ZAN: variants seen among roughly 807,000 people sequenced by gnomAD.
ZAN encodes the protein zonadhesin (gene/pseudogene).
ZAN carries 260 observed loss-of-function variants against 286.2 expected under a neutral mutation model. The observed-to-expected ratio is 0.91, with a 90% CI of 0.82 to 1.01. ZAN has a LOEUF of 1.01. Ranked by LOEUF, ZAN falls within the 50% of genes least tolerant of loss-of-function variation. ZAN has a pLI of 0.00. For missense variants in ZAN, 3,410 were observed against 3,639.2 expected, an observed-to-expected ratio of 0.94 and a Z score of 1.62; for synonymous variants, 1,368 against 1,417.5, an observed-to-expected ratio of 0.97 and a Z score of 0.79.
intron 35 of ZAN, among the ~76,000 whole-genome samples, chr7:100,780,142 G>A (rs927056744): frequency 3.3e-5 from 5 of 151,250 alleles, no homozygotes; most frequent in Admixed American, 6.6e-5. Flanking sequence ...GTAGTGAGCC[G>A]AGATCGCGCC....
At chr7:100,778,595 G>A (rs1464330153) in intron 34 of ZAN, among the ~76,000 whole-genome samples, 2 of 151,918 alleles carry the variant, frequency 1.3e-5, no homozygotes, top group Non-Finnish European at 2.9e-5. Context: ...GCGACAGATT[G>A]GGAAGCAAAA....
chr7:100,764,089 G>A lies in ZAN; in HGVS notation c.4160G>A (p.Gly1387Glu), dbSNP rs768945587. Residue 1387 changes from glycine (G) to glutamate (E), a missense_variant, in exon 22 of 48, where the codon GGA (glycine) becomes GAA (glutamate). Gly to Glu is a moderately conservative substitution (Grantham distance 98). Coordinates refer to ENST00000613979, the MANE Select transcript of ZAN (RefSeq NM_003386.3). ...GACAGCTGCATGCTTGATATGTGCGGATTCCAGGGGCTGCAGCACCTGCTG... is the reference window on the plus strand; with the variant it reads ...GACAGCTGCATGCTTGATATGTGCGAATTCCAGGGGCTGCAGCACCTGCTG... ...FFDSCMLDMC[G>E]FQGLQHLLCT... 6.2e-7 allele frequency: 1 copy of A among 1,613,668 alleles called. No homozygotes were observed. Among genetic ancestry groups the A allele is most frequent in the Admixed American group, 1.7e-5 (1 of 59,968 alleles).
chr7:100,763,025 G>A lies in ZAN; in HGVS notation c.3986+667G>A, dbSNP rs1809705339. Among the ~76,000 whole-genome samples, 1 of 148,736 alleles carries A rather than the reference G, an allele frequency of 6.7e-6. No homozygotes were observed. Among genetic ancestry groups the A allele is most frequent in the African/African-American group, 2.5e-5 (1 of 40,224 alleles). ...CTTGCTGTGTCACCCAGGCTAGAGT[G>A]TAGTTGTGCAATCTCAGCTCACTGA... is the stretch of plus-strand genomic sequence containing the variant. On this transcript the variant is annotated intron_variant, in intron 20 of 47. Coordinates refer to ENST00000613979, the MANE Select transcript of ZAN (RefSeq NM_003386.3). This position sits in a 1 kb window ranked among gnomAD's most constrained non-coding sequence, Gnocchi z 4.6.
rs184742914 is a variant in ZAN, at chr7:100,765,422, A to T, written c.4338A>T (p.Gly1446=). 3.5e-5 allele frequency: 56 copies of T among 1,613,860 alleles called. No individual in the cohort carries two copies. In the East Asian group the frequency reaches 1.1e-3, roughly 33 times the overall value. Residue 1446 remains glycine (G), a synonymous_variant, in exon 23 of 48, where the codon GGA becomes GGT. Transcript: ENST00000613979. Reference sequence around the variant, plus strand: ...CATGCCCTGACACCTGCCATTCAGGATTCTCCGGCATGTTCTGCTCAGACC... The same window carrying T: ...CATGCCCTGACACCTGCCATTCAGGTTTCTCCGGCATGTTCTGCTCAGACC... ...AKPCPDTCHS[G]FSGMFCSDRC...
Position 100,763,758 on chromosome 7 carries a change from C to G in ZAN, c.3987-48C>G. The stretch of plus-strand genomic sequence containing the variant: ...TGCTGCCTGCTGGGTTAGGGATGAG[C>G]TGGAAGCGAGCTTTGTCTTTAGGGA... On this transcript the variant is annotated intron_variant, in intron 20 of 47. Coordinates refer to ENST00000613979, the MANE Select transcript of ZAN (RefSeq NM_003386.3). This position sits in a 1 kb window ranked among gnomAD's most constrained non-coding sequence, Gnocchi z 4.6. 1 of 1,576,882 alleles carries G rather than the reference C, an allele frequency of 6.3e-7. No homozygotes were observed. The highest frequency in any genetic ancestry group is 8.7e-7 in the Non-Finnish European group (1 of 1,152,168).
chr7:100,789,322 C>T lies in ZAN; in HGVS notation c.7332C>T (p.Val2444=). The part of the protein sequence containing the change: ...LYLVTDFELV[V]SFGGRKNAVI... The stretch of plus-strand genomic sequence containing the variant: ...TGGTCACCGACTTTGAGCTGGTCGT[C>T]AGCTTTGGTGGAAGGAAAAATGCAG... Residue 2444 remains valine (V), a synonymous_variant, in exon 39 of 48, where the codon GTC becomes GTT. Transcript: ENST00000613979. 6.2e-7 allele frequency: 1 copy of T among 1,613,722 alleles called. No homozygotes were observed. Among genetic ancestry groups the T allele is most frequent in the Non-Finnish European group, 8.5e-7 (1 of 1,179,804 alleles).
intron 22 of ZAN, 41 bp downstream of exon 22, chr7:100,764,237 GC>G: frequency 6.8e-7 from 1 of 1,470,570 alleles, no homozygotes; most frequent in Non-Finnish European, 9.0e-7. Context: ...GGGCACGGTG[GC>G]TCACACCTAT....
In ZAN at chr7:100,744,359, G is replaced by T. The variant is rs1005276011; in HGVS notation, c.767-2179G>T. 9.9e-5 allele frequency among the ~76,000 whole-genome samples: 15 copies of T among 151,070 alleles called. No homozygotes were observed. The Admixed American group carries it at 9.9e-4, about 10-fold the overall frequency. On this transcript the variant is annotated intron_variant, in intron 7 of 47. Coordinates refer to ENST00000613979, the MANE Select transcript of ZAN (RefSeq NM_003386.3). The stretch of plus-strand genomic sequence containing the variant: ...CATGCCTGTAATCCCAGCACTTTGG[G>T]AGGCGGAGGCAGGTGGATCACCAGA...
chr7:100,745,465 AT>A (rs796327106), intron 7 of ZAN, among the ~76,000 whole-genome samples: 4 of 151,626 alleles, frequency 2.6e-5, no homozygotes, highest in African/African-American at 9.7e-5. Flanking sequence ...GTCCACGCTG[AT>A]TGGCTGTCTG....
chr7:100,772,095 TTC>T, intron 29 of ZAN, 75 bp downstream of exon 29: 2 of 1,388,226 alleles, frequency 1.4e-6, no homozygotes. Context: ...TTCCTCTAAA[TTC>T]TTTTTTTTTT....
chr7:100,745,552 C>G (rs221834), intron 7 of ZAN, among the ~76,000 whole-genome samples: 9,120 of 151,492 alleles, frequency 0.06, 448 homozygotes, highest in Non-Finnish European at 0.075. Context: ...CTGTATCTCT[C>G]GCCAGTTTGC....
rs372504106 is a variant in ZAN at position 100,736,593 on chromosome 7, G to A, written c.217G>A (p.Gly73Ser). 8.5e-6 allele frequency: 13 copies of A among 1,523,018 alleles called. No individual in the cohort carries two copies. Among genetic ancestry groups the A allele is most frequent in the African/African-American group, 1.4e-5 (1 of 71,518 alleles). 94.3% of individuals were successfully genotyped at this position (1,523,018 alleles called of 1,614,324 possible). ...WVRASGPSPT[G>S]STGAPGGYPN... ...TCGAGCCAGTGGGCCCTCTCCCACC[G>A]GCTCCACCGGGGCCCCCGGGGGGTA... Residue 73 changes from glycine (G) to serine (S), a missense_variant, in exon 4 of 48, where the codon GGC becomes AGC. Around this residue, in one of 7 missense-constraint regions of ZAN, gnomAD observed 872 missense variants for 938.9 expected, o/e 0.93. Transcript: ENST00000613979.
rs1263927106 is a variant in ZAN, at chr7:100,771,846, C to A, written c.5251C>A (p.Pro1751Thr). The stretch of plus-strand genomic sequence containing the variant: ...ATCTGCCTTCTCTCTTCCTGCAGGA[C>A]CCTTCTCTCAATGTCACCAGGTGGT... ...NCAILINPQG[P>T]FSQCHQVVPP... Residue 1751 changes from proline to threonine, a missense_variant and splice_region_variant, in exon 29 of 48, where the codon CCC becomes ACC. Pro to Thr is a conservative substitution (Grantham distance 38). Around this residue, in one of 7 missense-constraint regions of ZAN, gnomAD observed 27 missense variants for 58.7 expected, o/e 0.46. Transcript: ENST00000613979. 3 of 1,611,014 alleles carry A rather than the reference C, an allele frequency of 1.9e-6. No homozygotes were observed. Among genetic ancestry groups the A allele is most frequent in the Non-Finnish European group, 2.5e-6 (3 of 1,178,350 alleles).
In ZAN at chr7:100,795,995, G is replaced by A. The variant is rs541575222; in HGVS notation, c.8266+659G>A. On this transcript the variant is annotated intron_variant, in intron 45 of 47. Transcript: ENST00000613979. Reference sequence around the variant, plus strand: ...ACTCAGAGGCTGAGGCACGAGACCCGCTTGAACCCGGGAGGCAGAGGTTGC... The same window carrying A: ...ACTCAGAGGCTGAGGCACGAGACCCACTTGAACCCGGGAGGCAGAGGTTGC... Among the ~76,000 whole-genome samples the A allele has an allele frequency of 4.6e-3, 698 of 151,876 alleles. 4 individuals carry two copies. Among genetic ancestry groups the A allele is most frequent in the Non-Finnish European group, 5.5e-3 (372 of 67,926 alleles).
chr7:100,737,435 G>C, intron 6 of ZAN, 86 bp downstream of exon 6: 1 of 991,382 alleles, frequency 1.0e-6, no homozygotes, highest in Non-Finnish European at 1.5e-6. Context: ...GGGCGGGCGC[G>C]GTGGCTCATG....
intron 34 of ZAN, 86 bp downstream of exon 34, chr7:100,776,650 C>T: frequency 1.1e-6 from 1 of 883,134 alleles, no homozygotes; most frequent in Non-Finnish European, 1.6e-6. Context: ...CCTTCCCTCC[C>T]CTCCCCTCCC....
chr7:100,776,757 G>T lies in ZAN; in HGVS notation c.6317+193G>T, dbSNP rs1470999416. On this transcript the variant is annotated intron_variant, in intron 34 of 47. Transcript: ENST00000613979. Reference sequence around the variant, plus strand: ...TTTTTTTTTTTTGAGACGGAGTCTTGCTCTGTCGCCCAGGCCGGACTGCGG... The same window carrying T: ...TTTTTTTTTTTTGAGACGGAGTCTTTCTCTGTCGCCCAGGCCGGACTGCGG... Among the ~76,000 whole-genome samples, 2 of 89,512 alleles carry T rather than the reference G, an allele frequency of 2.2e-5. 1 individual carries two copies. The highest frequency in any genetic ancestry group is 9.5e-4 in the South Asian group (2 of 2,096). The allele number at this position is 89,512 out of a possible 152,430, so 58.7% of individuals were successfully genotyped here. A position where few individuals can be genotyped will look rare whatever the true frequency, so the allele number is the denominator to read the frequency against.
intron 7 of ZAN, among the ~76,000 whole-genome samples, chr7:100,743,031 CT>C (rs555399986): frequency 0.019 from 2,382 of 122,198 alleles, 275 homozygotes; most frequent in African/African-American, 0.06. Flanking sequence ...CTTTTTCTTT[CT>C]TTTTTTTTTT....
chr7:100,794,168 G>C lies in ZAN; in HGVS notation c.8035G>C (p.Ala2679Pro). The C allele has an allele frequency of 6.2e-7, 1 of 1,614,024 alleles. No homozygotes were observed. The highest frequency in any genetic ancestry group is 1.3e-5 in the African/African-American group (1 of 75,054). ...TEDCSQRCTC[A>P]SSRILLCEPF... is the part of the protein sequence containing the mutation. ...GGACTGCTCTCAGCGGTGCACCTGTGCCAGCTCACGGATCCTGCTGTGTGA... is the reference window on the plus strand; with the variant it reads ...GGACTGCTCTCAGCGGTGCACCTGTCCCAGCTCACGGATCCTGCTGTGTGA... The change falls in exon 44 of 48, where the codon GCC becomes CCC. Residue 2679 changes from alanine to proline, a missense_variant. Transcript: ENST00000613979.
Sources: gnomAD v4.1 joint callset for allele counts (sites outside exome capture counted in the v4.1 genomes callset) on GRCh38, gnomAD v4.1.1 for gene constraint, gnomAD v4.1.1 regional missense constraint, Gnocchi (gnomAD v3.1) non-coding constraint, MANE v1.5 for transcripts, NCBI Gene and HGNC (gene_info 2026-07-23, HGNC 2026-07-21) for gene names.